NRG3: variants seen among roughly 807,000 people sequenced by gnomAD.
NRG3 encodes pro-neuregulin-3, membrane-bound isoform.
Under a neutral mutation model 66.9 loss-of-function variants are expected in NRG3, and 31 were observed. The observed-to-expected ratio is 0.46, with a 90% CI of 0.35 to 0.63. NRG3 has a LOEUF of 0.63. Ranked by LOEUF, NRG3 falls within the 20% of genes least tolerant of loss-of-function variation. The probability of loss-of-function intolerance (pLI) is 0.00; values close to 1 mark genes in which losing one functional copy is unlikely to be tolerated. For missense variants in NRG3, 910 were observed against 878.9 expected, an observed-to-expected ratio of 1.04 and a Z score of -0.45; for synonymous variants, 393 against 359.4, an observed-to-expected ratio of 1.09 and a Z score of -1.06.
chr10:82,625,798 T>A (rs1431322795), intron 2 of NRG3, among the ~76,000 whole-genome samples: 1 of 152,178 alleles, frequency 6.6e-6, no homozygotes, highest in African/African-American at 2.4e-5. Context: ...GGTCACAATA[T>A]GTGTAAGTGG....
At chr10:82,806,693 A>G (rs1451870138) in intron 3 of NRG3, among the ~76,000 whole-genome samples, 4 of 152,198 alleles carry the variant, frequency 2.6e-5, no homozygotes, top group Non-Finnish European at 5.9e-5. Flanking sequence ...CAGGAGGGAA[A>G]AAGAGAATAA....
At chr10:82,088,232 A>G (rs926929) in intron 1 of NRG3, among the ~76,000 whole-genome samples, 124,542 of 151,918 alleles carry the variant, frequency 0.82, 51,260 homozygotes, top group East Asian at 0.9. Context: ...TCCTGCCTTC[A>G]AAGCTTCTTT....
chr10:82,255,124 A>G (rs2077656345), intron 1 of NRG3, among the ~76,000 whole-genome samples: 1 of 152,206 alleles, frequency 6.6e-6, no homozygotes, highest in Non-Finnish European at 1.5e-5. Flanking sequence ...CATGATGAAA[A>G]TGGCACTTTA....
chr10:82,183,116 G>C (rs1255657550), intron 1 of NRG3, among the ~76,000 whole-genome samples: 1 of 151,808 alleles, frequency 6.6e-6, no homozygotes, highest in Non-Finnish European at 1.5e-5. Context: ...TCATCTTATT[G>C]GGGATTCATT....
intron 1 of NRG3, among the ~76,000 whole-genome samples, chr10:82,248,271 G>A (rs1310217718): frequency 6.6e-6 from 1 of 152,116 alleles, no homozygotes; most frequent in Non-Finnish European, 1.5e-5. Context: ...TCTATACTGT[G>A]GCATGTCAAT....
chr10:82,652,264 G>A (rs891993932), intron 2 of NRG3, among the ~76,000 whole-genome samples: 3 of 152,174 alleles, frequency 2.0e-5, no homozygotes, highest in Admixed American at 6.5e-5. Context: ...AGGGCAAAGG[G>A]TCAGTGTGAC....
At chr10:82,278,965 T>C (rs562098190) in intron 1 of NRG3, among the ~76,000 whole-genome samples, 6 of 152,156 alleles carry the variant, frequency 3.9e-5, no homozygotes, top group Non-Finnish European at 7.4e-5. Context: ...TATTGTCCTA[T>C]GTGCTTCTTT....
intron 2 of NRG3, among the ~76,000 whole-genome samples, chr10:82,603,338 A>G (rs1285300463): frequency 6.6e-6 from 1 of 152,164 alleles, no homozygotes; most frequent in Non-Finnish European, 1.5e-5. Flanking sequence ...TATTCAAACC[A>G]TATTGTATCA....
chr10:82,713,159 A>C (rs2056778544), intron 2 of NRG3, among the ~76,000 whole-genome samples: 1 of 150,294 alleles, frequency 6.7e-6, no homozygotes, highest in Non-Finnish European at 1.5e-5. Flanking sequence ...CATAAAAGAC[A>C]GGCAAGAGGG....
intron 4 of NRG3, among the ~76,000 whole-genome samples, chr10:82,929,848 C>A (rs1847383081): frequency 1.3e-5 from 2 of 148,248 alleles, no homozygotes; most frequent in Non-Finnish European, 3.0e-5. Flanking sequence ...TGCACTCCAG[C>A]CTGGGAGACA....
intron 2 of NRG3, among the ~76,000 whole-genome samples, chr10:82,498,652 A>C (rs553532196): frequency 6.6e-6 from 1 of 152,288 alleles, no homozygotes; most frequent in African/African-American, 2.4e-5. Context: ...TGAGATTACT[A>C]GGAGAAAATA....
At chr10:82,946,529 C>A (rs1849039048) in intron 4 of NRG3, among the ~76,000 whole-genome samples, 1 of 151,242 alleles carries the variant, frequency 6.6e-6, no homozygotes, top group African/African-American at 2.4e-5. Context: ...CAGAGCAGGA[C>A]TCTGCCTCAA....
intron 1 of NRG3, among the ~76,000 whole-genome samples, chr10:81,982,392 A>G (rs1021422657): frequency 1.3e-5 from 2 of 152,200 alleles, no homozygotes; most frequent in South Asian, 4.1e-4. Flanking sequence ...AGCTTCCTCT[A>G]ATCTGTGCCT....
At position 82,559,693 on chromosome 10, in the gene NRG3, C is replaced by T. The variant is rs139976836; in HGVS notation, c.954-178884C>T. ...AAATGCACATGCATGCATAATGGTC[C>T]TTAGTCATTGTTTTTACAAATATAA... On this transcript the variant is annotated intron_variant, in intron 2 of 8. Coordinates refer to ENST00000372141, the MANE Select transcript of NRG3 (RefSeq NM_001010848.4). Among the ~76,000 whole-genome samples the T allele has an allele frequency of 1.9e-3, 294 of 152,266 alleles. 1 individual carries two copies. The highest frequency in any genetic ancestry group is 2.0e-3 in the Non-Finnish European group (134 of 68,024).
At chr10:81,896,978 G>A (rs1186698576) in intron 1 of NRG3, among the ~76,000 whole-genome samples, 1 of 152,160 alleles carries the variant, frequency 6.6e-6, no homozygotes, top group Non-Finnish European at 1.5e-5. Context: ...TTCAGCTATT[G>A]AGACATGCTG....
intron 1 of NRG3, among the ~76,000 whole-genome samples, chr10:82,318,884 A>C (rs2081422062): frequency 6.6e-6 from 1 of 152,236 alleles, no homozygotes; most frequent in Non-Finnish European, 1.5e-5. Context: ...TTGCCGAATG[A>C]GTGAAAAATT....
chr10:82,456,578 T>G (rs544349829), intron 2 of NRG3, among the ~76,000 whole-genome samples: 17 of 152,308 alleles, frequency 1.1e-4, no homozygotes, highest in African/African-American at 3.8e-4. Context: ...TGTAATCTTA[T>G]GGGACCACCA....
intron 1 of NRG3, among the ~76,000 whole-genome samples, chr10:82,273,527 A>T (rs921700533): frequency 6.6e-6 from 1 of 152,076 alleles, no homozygotes; most frequent in Non-Finnish European, 1.5e-5. Context: ...CAGAATTTTA[A>T]TGGGCCATTT....
At position 81,875,252 on chromosome 10, in the gene NRG3, A is replaced by AGCACGC. The variant is rs1037418207; in HGVS notation, c.-87_-86insACGCGC. On this transcript the variant is annotated 5_prime_UTR_variant, in exon 1 of 9. Transcript: ENST00000372141. The surrounding 1 kb of genome is among the most constrained non-coding windows in gnomAD (Gnocchi z 5.3). ...CGCCCGAGCCCGCCGCCGCCGCCGG[A>AGCACGC]GCCCGCGCCCGCGCCCGCGCCCGGC... 5 of 798,766 alleles carry AGCACGC rather than the reference A, an allele frequency of 6.3e-6. No homozygotes were observed. In the African/African-American group the frequency reaches 9.6e-5, roughly 15 times the overall value. The allele number at this position is 798,766 out of a possible 1,614,324, so 49.5% of individuals were successfully genotyped here.
Sources: allele counts gnomAD v4.1 joint callset (sites outside exome capture counted in the v4.1 genomes callset), GRCh38; gene constraint gnomAD v4.1.1; non-coding constraint Gnocchi (gnomAD v3.1); transcripts MANE v1.5; gene names NCBI Gene and HGNC (gene_info 2026-07-23, HGNC 2026-07-21).